The following KCND2 variants were observed in gnomAD, a reference collection of about 807,000 sequenced individuals.
The protein encoded by KCND2 is A-type voltage-gated potassium channel KCND2.
In KCND2, 16 loss-of-function variants were observed where a neutral mutation model predicts 54.4. The ratio of observed to expected loss-of-function variants is 0.29; its 90% CI spans 0.20 to 0.45. The LOEUF is 0.45. Ranked by LOEUF, KCND2 falls within the 20% of genes least tolerant of loss-of-function variation. The pLI is 1.00. For missense variants in KCND2, 486 were observed against 824.2 expected (o/e 0.59, Z 5.02); for synonymous variants, 317 against 310.7 (o/e 1.02, Z -0.21).
intron 1 of KCND2, among the ~76,000 whole-genome samples, chr7:120,295,332 A>T (rs1799493023): frequency 6.7e-6 from 1 of 150,134 alleles, no homozygotes; most frequent in South Asian, 2.1e-4. Context: ...GCCCTGAAAA[A>T]ATATGTCATA....
At chr7:120,300,457 G>T (rs1385027850) in intron 1 of KCND2, among the ~76,000 whole-genome samples, 4 of 151,994 alleles carry the variant, frequency 2.6e-5, no homozygotes, top group Non-Finnish European at 5.9e-5. Flanking sequence ...AGAGCATTTT[G>T]ATTCCTATTT....
chr7:120,450,318 G>A (rs1018053616), intron 1 of KCND2, among the ~76,000 whole-genome samples: 5 of 152,160 alleles, frequency 3.3e-5, no homozygotes, highest in African/African-American at 1.2e-4. Context: ...GCTGAGGCAG[G>A]AGAATCGATT....
In KCND2 at chr7:120,454,798, A is replaced by C. The variant is rs556554658; in HGVS notation, c.1115+179051A>C. 1.6e-4 allele frequency among the ~76,000 whole-genome samples: 25 copies of C among 152,308 alleles called. 1 individual carries two copies. In the South Asian group the frequency reaches 5.0e-3, roughly 30 times the overall value. ...CAAGAAAACCTCATAGTCTCTGTCC[A>C]AAACCTCCTAGATCTTTATAAGCCA... is the stretch of plus-strand genomic sequence containing the variant. On this transcript the variant is annotated intron_variant, in intron 1 of 5. Coordinates refer to ENST00000331113, the MANE Select transcript of KCND2 (RefSeq NM_012281.3).
intron 1 of KCND2, among the ~76,000 whole-genome samples, chr7:120,460,078 C>G (rs1347548146): frequency 6.6e-6 from 1 of 152,072 alleles, no homozygotes; most frequent in African/African-American, 2.4e-5. Context: ...GCTTTCCTTG[C>G]TCCAACTTGA....
At position 120,274,998 on chromosome 7, in the gene KCND2, T is replaced by C. The variant is rs1436911197; in HGVS notation, c.366T>C (p.Phe122=). The C allele has an allele frequency of 1.1e-5, 18 of 1,613,960 alleles. No homozygotes were observed. The highest frequency in any genetic ancestry group is 1.5e-5 in the Non-Finnish European group (18 of 1,180,026). The part of the protein sequence containing the change: ...ISAYDEELAF[F]GLIPEIIGDC... ...CTTACGATGAAGAACTGGCCTTCTT[T>C]GGCCTCATCCCGGAAATCATCGGCG... is the stretch of plus-strand genomic sequence containing the variant. Residue 122 remains phenylalanine, a synonymous_variant, in exon 1 of 6, where the codon TTT becomes TTC. Transcript: ENST00000331113.
chr7:120,416,501 C>T (rs1179326431), intron 1 of KCND2, among the ~76,000 whole-genome samples: 1 of 152,124 alleles, frequency 6.6e-6, no homozygotes, highest in African/African-American at 2.4e-5. Flanking sequence ...TTCATAAAAG[C>T]TGGTTTAACA....
intron 1 of KCND2, among the ~76,000 whole-genome samples, chr7:120,402,121 C>T (rs1443599902): frequency 6.6e-6 from 1 of 152,158 alleles, no homozygotes; most frequent in Non-Finnish European, 1.5e-5. Flanking sequence ...AGACATTTTA[C>T]ATCTTGACTT....
chr7:120,492,176 CTA>C (rs796243150), intron 1 of KCND2, among the ~76,000 whole-genome samples: 18 of 151,854 alleles, frequency 1.2e-4, no homozygotes, highest in African/African-American at 4.3e-4. Context: ...GAATGAGAAA[CTA>C]GTAAAAAGTG....
intron 1 of KCND2, among the ~76,000 whole-genome samples, chr7:120,450,836 T>C (rs1766298629): frequency 6.6e-6 from 1 of 152,164 alleles, no homozygotes; most frequent in Admixed American, 6.5e-5. Context: ...AGTGAATTAA[T>C]ATTGTTGCTG....
At chr7:120,569,224 C>T (rs537712366) in intron 1 of KCND2, among the ~76,000 whole-genome samples, 1 of 152,102 alleles carries the variant, frequency 6.6e-6, no homozygotes, top group African/African-American at 2.4e-5. Context: ...ACAGTGTAAC[C>T]AAAGACTACA....
intron 1 of KCND2, among the ~76,000 whole-genome samples, chr7:120,529,922 A>T (rs1297569900): frequency 2.0e-5 from 3 of 152,024 alleles, no homozygotes; most frequent in Admixed American, 6.6e-5. Context: ...TCTCTAAAAA[A>T]ATTTAAAAAT....
chr7:120,524,400 GTTT>G (rs1041577517), intron 1 of KCND2, among the ~76,000 whole-genome samples: 5 of 152,056 alleles, frequency 3.3e-5, no homozygotes, highest in African/African-American at 1.2e-4. Context: ...GCTTTTAAAA[GTTT>G]TTGTTTCGAT....
At chr7:120,383,078 A>G (rs1298613981) in intron 1 of KCND2, among the ~76,000 whole-genome samples, 1 of 152,046 alleles carries the variant, frequency 6.6e-6, no homozygotes, top group South Asian at 2.1e-4. Flanking sequence ...TCTCATGAAG[A>G]AGATGATTTA....
At chr7:120,299,385 T>C (rs1799555846) in intron 1 of KCND2, among the ~76,000 whole-genome samples, 1 of 152,130 alleles carries the variant, frequency 6.6e-6, no homozygotes, top group African/African-American at 2.4e-5. Flanking sequence ...TGTGAGTGTG[T>C]GTGTGTGTGG....
At chr7:120,681,413 G>A (rs998528044) in intron 1 of KCND2, among the ~76,000 whole-genome samples, 2 of 151,988 alleles carry the variant, frequency 1.3e-5, no homozygotes, top group Non-Finnish European at 2.9e-5. Context: ...GAAGCAGCAG[G>A]ATAATCACAT....
intron 1 of KCND2, among the ~76,000 whole-genome samples, chr7:120,482,857 G>A (rs1802626591): frequency 6.6e-6 from 1 of 152,120 alleles, no homozygotes; most frequent in Non-Finnish European, 1.5e-5. Flanking sequence ...AATAATAATT[G>A]TTGCTAGCAC....
intron 1 of KCND2, among the ~76,000 whole-genome samples, chr7:120,597,991 T>G (rs755199433): frequency 6.6e-6 from 1 of 151,800 alleles, no homozygotes; most frequent in Non-Finnish European, 1.5e-5. Flanking sequence ...TGTTTGCAGA[T>G]TCTAAAAACC....
intron 1 of KCND2, among the ~76,000 whole-genome samples, chr7:120,403,031 A>G (rs1801287536): frequency 6.6e-6 from 1 of 152,164 alleles, no homozygotes; most frequent in African/African-American, 2.4e-5. Context: ...CTGAACTTTA[A>G]ACGTTTTTGC....
intron 1 of KCND2, among the ~76,000 whole-genome samples, chr7:120,625,753 G>C (rs892872259): frequency 1.3e-5 from 2 of 151,966 alleles, no homozygotes; most frequent in Non-Finnish European, 2.9e-5. Flanking sequence ...CTTATGAGAA[G>C]GTTGAAGAAA....
Sources: allele counts gnomAD v4.1 joint callset (sites outside exome capture counted in the v4.1 genomes callset), GRCh38; gene constraint gnomAD v4.1.1; transcripts MANE v1.5; gene names NCBI Gene and HGNC (gene_info 2026-07-23, HGNC 2026-07-21).